SSR1: variants seen among roughly 807,000 people sequenced by gnomAD.
The protein encoded by SSR1 is signal sequence receptor subunit 1.
SSR1 carries 13 observed loss-of-function variants against 36.1 expected under a neutral mutation model. The ratio of observed to expected loss-of-function variants is 0.36; its 90% confidence interval spans 0.23 to 0.57. SSR1 has a LOEUF of 0.57. SSR1 is among the 20% of genes least tolerant of loss of function. The pLI, the probability that SSR1 is intolerant of heterozygous loss-of-function variation, is 0.81. For synonymous variants in SSR1, 113 were observed against 118.9 expected, an observed-to-expected ratio of 0.95 and a Z score of 0.32; for missense variants, 291 against 338.5, an observed-to-expected ratio of 0.86 and a Z score of 1.10.
chr6:7,297,973 G>A lies in SSR1; in HGVS notation c.649C>T (p.Leu217Phe). 1 of 1,613,358 alleles carries A rather than the reference G, an allele frequency of 6.2e-7. No individual in the cohort carries two copies. Among genetic ancestry groups the A allele is most frequent in the Non-Finnish European group, 8.5e-7 (1 of 1,179,684 alleles). ...TIFMYMFLAG[L>F]GLLVIVGLHQ... The stretch of plus-strand genomic sequence containing the variant: ...AGGCCAACAATAACCAGAAGCCCAA[G>A]ACCAGCAAGGAACATATACATAAAG... Residue 217 changes from leucine to phenylalanine, a missense_variant, in exon 6 of 8, where the codon CTT becomes TTT. By Grantham distance (22) the Leu-to-Phe change is conservative (BLOSUM62 0). Coordinates refer to ENST00000244763, the MANE Select transcript of SSR1 (RefSeq NM_003144.5).
In SSR1 at chr6:7,310,099, G is replaced by A. The variant is rs1758157097; in HGVS notation, c.80-70C>T. The A allele has an allele frequency of 3.8e-6, 5 of 1,325,206 alleles. No individual in the cohort carries two copies. The East Asian group carries it at 7.0e-5, about 18-fold the overall frequency. 82.1% of individuals were successfully genotyped at this position (1,325,206 alleles called of 1,614,324 possible). A position where few individuals can be genotyped will look rare whatever the true frequency, so the allele number is the denominator to read the frequency against. On this transcript the variant is annotated intron_variant, in intron 1 of 7. Coordinates refer to ENST00000244763, the MANE Select transcript of SSR1 (RefSeq NM_003144.5). ...TACTAATTTCTTTTTTTAACATCAG[G>A]TATAGGCAAAAAAAACTTCCCTTGG...
intron 2 of SSR1, among the ~76,000 whole-genome samples, chr6:7,308,670 A>G (rs554686529): frequency 2.0e-5 from 3 of 152,230 alleles, no homozygotes. Context: ...TAACCCCCTT[A>G]TTCTTCACCA....
At chr6:7,312,429 G>T (rs550281590) in intron 1 of SSR1, among the ~76,000 whole-genome samples, 1 of 152,306 alleles carries the variant, frequency 6.6e-6, no homozygotes, top group South Asian at 2.1e-4. Flanking sequence ...GCGGATAACG[G>T]GGGTGACGAT....
Position 7,281,626 on chromosome 6 carries a change from A to T in SSR1, c.*8238T>A, listed in dbSNP as rs867648855. The T allele has an allele frequency of 2.6e-5, 4 of 152,236 alleles. No homozygotes were observed. The highest frequency in any genetic ancestry group is 9.6e-5 in the African/African-American group (4 of 41,460). 9.4% of individuals were successfully genotyped at this position (152,236 alleles called of 1,614,324 possible). On this transcript the variant is annotated 3_prime_UTR_variant, in exon 8 of 8. Transcript: ENST00000244763. ...TAGATTTCAAAGTGAAGAGAACTGA[A>T]ATCTCTTTTTATTCATAGCAGAGCC... is the stretch of plus-strand genomic sequence containing the variant.
chr6:7,307,006 A>AAAC (rs1056839083), intron 2 of SSR1, among the ~76,000 whole-genome samples: 1 of 151,834 alleles, frequency 6.6e-6, no homozygotes, highest in Non-Finnish European at 1.5e-5. Flanking sequence ...ACCTGTGTCT[A>AAAC]AACCAGCTGT....
chr6:7,304,328 C>T (rs1381035677), intron 2 of SSR1, among the ~76,000 whole-genome samples: 1 of 152,192 alleles, frequency 6.6e-6, no homozygotes, highest in Non-Finnish European at 1.5e-5. Flanking sequence ...AACTATTCAA[C>T]TCAACTCTGG....
At chr6:7,303,514 C>A in intron 3 of SSR1, 36 bp downstream of exon 3, 1 of 1,457,520 alleles carries the variant, frequency 6.9e-7, no homozygotes. Flanking sequence ...TTTTAAAATG[C>A]CTACATCTGA....
chr6:7,291,234 A>G (rs1757671905), intron 7 of SSR1, among the ~76,000 whole-genome samples: 1 of 151,996 alleles, frequency 6.6e-6, no homozygotes, highest in African/African-American at 2.4e-5. Flanking sequence ...TCCCATCTCT[A>G]CTAAACTATA....
rs1284418467 is a variant in SSR1 at position 7,287,141 on chromosome 6, T to C, written c.*2723A>G. 2 of 152,136 alleles carry C rather than the reference T, an allele frequency of 1.3e-5. No homozygotes were observed. Among genetic ancestry groups the C allele is most frequent in the Non-Finnish European group, 2.9e-5 (2 of 68,040 alleles). The allele number at this position is 152,136 out of a possible 1,614,324, so 9.4% of individuals were successfully genotyped here. ...GGATATCATTGTACAAGATGAATGC[T>C]ATATATGAGGCTCGCCTATTACTAT... is the stretch of plus-strand genomic sequence containing the variant. On this transcript the variant is annotated 3_prime_UTR_variant, in exon 8 of 8. Coordinates refer to ENST00000244763, the MANE Select transcript of SSR1 (RefSeq NM_003144.5).
intron 7 of SSR1, among the ~76,000 whole-genome samples, chr6:7,290,949 A>T (rs1163157088): frequency 1.5e-5 from 2 of 136,114 alleles, no homozygotes; most frequent in African/African-American, 2.6e-5. Flanking sequence ...GCTGGAGTGC[A>T]GTGCCACGAT....
chr6:7,283,424 T>G lies in SSR1; in HGVS notation c.*6440A>C, dbSNP rs944699032. 1 of 152,356 alleles carries G rather than the reference T, an allele frequency of 6.6e-6. No homozygotes were observed. The highest frequency in any genetic ancestry group is 2.4e-5 in the African/African-American group (1 of 41,456). The allele number at this position is 152,356 out of a possible 1,614,324, so 9.4% of individuals were successfully genotyped here. On this transcript the variant is annotated 3_prime_UTR_variant, in exon 8 of 8. Transcript: ENST00000244763. ...ACCACACCTGGCTAATTTTTGTATT[T>G]TTAGTAGAGGCGAGGTTTCACTATG...
chr6:7,313,015 C>A lies in SSR1; in HGVS notation c.79+27G>T, dbSNP rs746936644. On this transcript the variant is annotated intron_variant, in intron 1 of 7. Coordinates refer to ENST00000244763, the MANE Select transcript of SSR1 (RefSeq NM_003144.5). ...TCACTGGCATCTCCTTCCTGGCCAT[C>A]CCCTCCGCACACTCCCCCAGCCTCA... 6 of 1,578,380 alleles carry A rather than the reference C, an allele frequency of 3.8e-6. No individual in the cohort carries two copies. The South Asian group carries it at 5.8e-5, about 15-fold the overall frequency.
At chr6:7,310,599 AC>A (rs1218825480) in intron 1 of SSR1, among the ~76,000 whole-genome samples, 3 of 152,044 alleles carry the variant, frequency 2.0e-5, no homozygotes, top group Non-Finnish European at 4.4e-5. Context: ...AAACTAAACA[AC>A]CCCCACGTTT....
intron 1 of SSR1, among the ~76,000 whole-genome samples, chr6:7,312,707 G>A (rs1758232904): frequency 6.6e-6 from 1 of 152,232 alleles, no homozygotes; most frequent in Non-Finnish European, 1.5e-5. Context: ...CGTGTCCAGC[G>A]CCTCCTCCTG....
chr6:7,296,929 T>C (rs1384247812), intron 6 of SSR1: 3 of 157,246 alleles, frequency 1.9e-5, no homozygotes, highest in African/African-American at 7.2e-5. Flanking sequence ...TAATTAAGAG[T>C]ATTAACGCAG....
chr6:7,287,193 C>T lies in SSR1; in HGVS notation c.*2671G>A, dbSNP rs1757574409. On this transcript the variant is annotated 3_prime_UTR_variant, in exon 8 of 8. Coordinates refer to ENST00000244763, the MANE Select transcript of SSR1 (RefSeq NM_003144.5). ...TTGATCTACTGTACCTCGAAAATAACACATCATTAAGTAAAGGTGGCAATG... is the reference window on the plus strand; with the variant it reads ...TTGATCTACTGTACCTCGAAAATAATACATCATTAAGTAAAGGTGGCAATG... The T allele has an allele frequency of 6.6e-6, 1 of 151,988 alleles. No homozygotes were observed. Among genetic ancestry groups the T allele is most frequent in the Non-Finnish European group, 1.5e-5 (1 of 68,026 alleles). The allele number at this position is 151,988 out of a possible 1,614,324, so 9.4% of individuals were successfully genotyped here.
intron 7 of SSR1, among the ~76,000 whole-genome samples, chr6:7,291,866 G>C (rs1757689003): frequency 6.6e-6 from 1 of 151,922 alleles, no homozygotes; most frequent in Admixed American, 6.6e-5. Context: ...GAGCCCGTAA[G>C]TTCAAGACCA....
intron 7 of SSR1, among the ~76,000 whole-genome samples, chr6:7,292,742 C>T (rs958527283): frequency 2.6e-5 from 4 of 152,028 alleles, no homozygotes; most frequent in African/African-American, 7.3e-5. Context: ...GCTCTTTGAC[C>T]TAGGAGTCAA....
At position 7,283,457 on chromosome 6, in the gene SSR1, G is replaced by C. The variant is rs1353987171; in HGVS notation, c.*6407C>G. On this transcript the variant is annotated 3_prime_UTR_variant, in exon 8 of 8. Coordinates refer to ENST00000244763, the MANE Select transcript of SSR1 (RefSeq NM_003144.5). The stretch of plus-strand genomic sequence containing the variant: ...AGGCGAGGTTTCACTATGTTCGCCA[G>C]GATGGTCTTGAACTCCTGACCTCAG... The C allele has an allele frequency of 2.0e-5, 3 of 152,324 alleles. No homozygotes were observed. Among genetic ancestry groups the C allele is most frequent in the African/African-American group, 7.2e-5 (3 of 41,466 alleles). The allele number at this position is 152,324 out of a possible 1,614,324, so 9.4% of individuals were successfully genotyped here. A position where few individuals can be genotyped will look rare whatever the true frequency, so the allele number is the denominator to read the frequency against.
Sources: gnomAD v4.1 joint callset for allele counts (sites outside exome capture counted in the v4.1 genomes callset) on GRCh38, gnomAD v4.1.1 for gene constraint, MANE v1.5 for transcripts, NCBI Gene and HGNC (gene_info 2026-07-23, HGNC 2026-07-21) for gene names.